The following SCN9A variants were observed in gnomAD, a reference collection of about 807,000 sequenced individuals.
The protein encoded by SCN9A is sodium voltage-gated channel alpha subunit 9.
A neutral mutation model predicts 187.0 loss-of-function variants in SCN9A; 131 were observed. The ratio of observed to expected loss-of-function variants is 0.70; its 90% CI spans 0.61 to 0.81. SCN9A has a LOEUF of 0.81. SCN9A is among the 30% of genes least tolerant of loss of function. SCN9A has a pLI of 0.00. For synonymous variants in SCN9A, 809 were observed against 808.6 expected (o/e 1.00, Z -0.01); for missense variants, 2,252 against 2,396.6 (o/e 0.94, Z 1.26).
chr2:166,285,761 A>G (rs1325312869), intron 11 of SCN9A, among the ~76,000 whole-genome samples: 1 of 152,182 alleles, frequency 6.6e-6, no homozygotes, highest in Admixed American at 6.5e-5. Flanking sequence ...TTTGTGCAGA[A>G]TTATAAGCAG....
At chr2:166,240,848 T>C (rs1225581847) in intron 19 of SCN9A, among the ~76,000 whole-genome samples, 2 of 152,140 alleles carry the variant, frequency 1.3e-5, no homozygotes, top group East Asian at 3.8e-4. Context: ...GTAGGGTCTC[T>C]GGGACAAAGA....
At chr2:166,297,532 T>C (rs1698371407) in intron 7 of SCN9A, among the ~76,000 whole-genome samples, 1 of 152,074 alleles carries the variant, frequency 6.6e-6, no homozygotes, top group African/African-American at 2.4e-5. Context: ...TATTATATGC[T>C]TCCATGTATA....
Position 166,282,583 on chromosome 2 carries a change from C to T in SCN9A, c.1975-775G>A, listed in dbSNP as rs151187639. Reference sequence around the variant, plus strand: ...GGCCAGAAATACACACACACACTCACACACACATATATACACAAACAACTA... The same window carrying T: ...GGCCAGAAATACACACACACACTCATACACACATATATACACAAACAACTA... On this transcript the variant is annotated intron_variant, in intron 12 of 26. Transcript: ENST00000642356. Among the ~76,000 whole-genome samples, 23 of 152,242 alleles carry T rather than the reference C, an allele frequency of 1.5e-4. No homozygotes were observed. In the East Asian group the frequency reaches 4.2e-3, roughly 28 times the overall value.
intron 10 of SCN9A, 55 bp from the exon 11 acceptor site, chr2:166,286,678 C>T: frequency 1.5e-6 from 2 of 1,370,928 alleles, no homozygotes; most frequent in Non-Finnish European, 1.9e-6. Flanking sequence ...TCCTAGGAAA[C>T]CCTAGGACAG....
chr2:166,358,262 T>C (rs1244746523), intron 1 of SCN9A, among the ~76,000 whole-genome samples: 1 of 151,462 alleles, frequency 6.6e-6, no homozygotes, highest in Admixed American at 6.6e-5. Flanking sequence ...TAGAGACAGG[T>C]TTTCACCATG....
intron 9 of SCN9A, among the ~76,000 whole-genome samples, chr2:166,291,390 A>G (rs1559017865): frequency 6.6e-6 from 1 of 151,966 alleles, no homozygotes; most frequent in Admixed American, 6.6e-5. Flanking sequence ...AGACCTCTTC[A>G]AGAACTACAA....
intron 1 of SCN9A, among the ~76,000 whole-genome samples, chr2:166,350,081 A>G (rs1398315648): frequency 6.6e-6 from 1 of 152,232 alleles, no homozygotes; most frequent in African/African-American, 2.4e-5. Context: ...GGACTTGTCT[A>G]TAACTTCCTC....
intron 7 of SCN9A, chr2:166,300,849 AAATAT>A (rs1481201527): frequency 1.3e-5 from 2 of 150,896 alleles, no homozygotes; most frequent in African/African-American, 2.5e-5. Context: ...ATTCATGTTT[AAATAT>A]AATATAAAGA....
rs1322587445 is a variant in SCN9A, at chr2:166,272,538, ATC to A, written c.3210_3211del (p.Leu1070PhefsTer5). 1 of 1,613,394 alleles carries A rather than the reference ATC, an allele frequency of 6.2e-7. No homozygotes were observed. Among genetic ancestry groups the A allele is most frequent in the Non-Finnish European group, 8.5e-7 (1 of 1,179,740 alleles). The stretch of plus-strand genomic sequence containing the variant: ...AAATGATTGACCATCACTGTCTTCC[ATC>A]AAGTGTTTGTCCACGCTGCTTCCAA... On this transcript the variant is annotated frameshift_variant, in exon 17 of 27. Coordinates refer to ENST00000642356, the MANE Select transcript of SCN9A (RefSeq NM_001365536.1). LOFTEE classifies it high-confidence loss of function.
At chr2:166,202,305 T>C (rs1204885883) in intron 26 of SCN9A, among the ~76,000 whole-genome samples, 1 of 151,708 alleles carries the variant, frequency 6.6e-6, no homozygotes, top group Non-Finnish European at 1.5e-5. Context: ...TCTTTTTTTT[T>C]AACTTTAGAT....
chr2:166,341,260 T>A (rs1699778959), intron 1 of SCN9A, among the ~76,000 whole-genome samples: 1 of 152,242 alleles, frequency 6.6e-6, no homozygotes, highest in African/African-American at 2.4e-5. Context: ...CACTGGTTTA[T>A]AATTTTCACA....
chr2:166,372,238 C>A (rs79030107), intron 1 of SCN9A, among the ~76,000 whole-genome samples: 2 of 152,120 alleles, frequency 1.3e-5, no homozygotes, highest in South Asian at 2.1e-4. Flanking sequence ...CCTCTCTGAA[C>A]CTTCCTTAGA....
rs1574856509 is a variant in SCN9A at position 166,280,263 on chromosome 2, G to T, written c.2343+94C>A. Reference sequence around the variant, plus strand: ...AGTTCTGGATATGCATAATTCTGAGGCTGCAGATTCATCTGACATAAAAAA... The same window carrying T: ...AGTTCTGGATATGCATAATTCTGAGTCTGCAGATTCATCTGACATAAAAAA... On this transcript the variant is annotated intron_variant, in intron 14 of 26. Coordinates refer to ENST00000642356, the MANE Select transcript of SCN9A (RefSeq NM_001365536.1). The T allele has an allele frequency of 5.6e-6, 4 of 720,062 alleles. No homozygotes were observed. In the East Asian group the frequency reaches 1.1e-4, roughly 19 times the overall value. 44.6% of individuals were successfully genotyped at this position (720,062 alleles called of 1,614,324 possible). A position where few individuals can be genotyped will look rare whatever the true frequency, so the allele number is the denominator to read the frequency against.
intron 24 of SCN9A, among the ~76,000 whole-genome samples, chr2:166,213,328 A>G (rs1366456526): frequency 6.6e-6 from 1 of 151,670 alleles, no homozygotes; most frequent in African/African-American, 2.4e-5. Context: ...AAGAAGGATC[A>G]AAGAGACTAC....
chr2:166,223,789 G>GT (rs1176006692), intron 24 of SCN9A, among the ~76,000 whole-genome samples: 3 of 151,718 alleles, frequency 2.0e-5, no homozygotes, highest in Non-Finnish European at 4.4e-5. Context: ...ACTTTCATTT[G>GT]TTTTTTTTCT....
At chr2:166,273,329 T>G (rs1030496380) in intron 16 of SCN9A, among the ~76,000 whole-genome samples, 1 of 152,190 alleles carries the variant, frequency 6.6e-6, no homozygotes, top group Admixed American at 6.6e-5. Context: ...TAAAGATCTT[T>G]GTTCACTTTA....
chr2:166,366,599 A>G (rs899204695), intron 1 of SCN9A, among the ~76,000 whole-genome samples: 10 of 152,168 alleles, frequency 6.6e-5, no homozygotes, highest in Non-Finnish European at 1.2e-4. Context: ...ACACTATTAT[A>G]CATTCCCACC....
chr2:166,247,529 AT>A (rs927199544), intron 18 of SCN9A, among the ~76,000 whole-genome samples: 2 of 151,930 alleles, frequency 1.3e-5, no homozygotes, highest in Admixed American at 1.3e-4. Context: ...TACCATTATT[AT>A]TTTTTGAGAC....
intron 17 of SCN9A, among the ~76,000 whole-genome samples, chr2:166,257,180 C>T (rs1040496972): frequency 2.0e-5 from 3 of 151,554 alleles, no homozygotes; most frequent in African/African-American, 7.3e-5. Flanking sequence ...GTCAGAGTGT[C>T]TTAAAGTCTT....
Sources: gnomAD v4.1 joint callset for allele counts (sites outside exome capture counted in the v4.1 genomes callset) on GRCh38, gnomAD v4.1.1 for gene constraint, MANE v1.5 for transcripts, NCBI Gene and HGNC (gene_info 2026-07-23, HGNC 2026-07-21) for gene names.